KMT2B: variants seen among roughly 807,000 people sequenced by gnomAD.
KMT2B encodes the protein lysine methyltransferase 2B.
In KMT2B, 22 loss-of-function variants were observed where a neutral mutation model predicts 255.3. That is an observed-to-expected ratio of 0.09 (90% CI 0.06 to 0.12). The LOEUF (loss-of-function observed/expected upper bound fraction) is 0.12, where lower values mean the gene tolerates loss of function less well. Among genes scored for constraint, KMT2B ranks in the 10% least tolerant of loss-of-function variants. KMT2B has a pLI of 1.00. For missense variants in KMT2B, 3,149 were observed against 3,737.0 expected, an observed-to-expected ratio of 0.84 and a Z score of 4.10; for synonymous variants, 1,730 against 1,498.1, an observed-to-expected ratio of 1.15 and a Z score of -3.57.
In KMT2B at chr19:35,721,206, C is replaced by CG; in HGVS notation, c.1859_1860insG (p.Pro621SerfsTer55). 2.0e-6 allele frequency: 3 copies of CG among 1,532,338 alleles called. No homozygotes were observed. The highest frequency in any genetic ancestry group is 1.8e-6 in the Non-Finnish European group (2 of 1,138,434). 94.9% of individuals were successfully genotyped at this position (1,532,338 alleles called of 1,614,324 possible). On this transcript the variant is annotated frameshift_variant, in exon 3 of 37. Transcript: ENST00000420124. LOFTEE classifies it high-confidence loss of function. ...ACCTCACTGACCCGGGAGCTGCCCC[C>CG]TCCTCCCCCAGCCCCTCCACCTCCC...
rs1280161497 is a variant in KMT2B at position 35,723,710 on chromosome 19, A to C, written c.3059-22A>C. ...ATGTCCCTGGCTGAGCTCAAATCCT[A>C]CTAAGTCCCCTGTTCCCGCAGGCCG... is the stretch of plus-strand genomic sequence containing the variant. On this transcript the variant is annotated intron_variant, in intron 7 of 36. Coordinates refer to ENST00000420124, the MANE Select transcript of KMT2B (RefSeq NM_014727.3). The surrounding 1 kb of genome is among the most constrained non-coding windows in gnomAD (Gnocchi z 7.5). 2 of 1,516,236 alleles carry C rather than the reference A, an allele frequency of 1.3e-6. No individual in the cohort carries two copies. The highest frequency in any genetic ancestry group is 1.8e-6 in the Non-Finnish European group (2 of 1,132,124). The allele number at this position is 1,516,236 out of a possible 1,614,324, so 93.9% of individuals were successfully genotyped here. A position where few individuals can be genotyped will look rare whatever the true frequency, so the allele number is the denominator to read the frequency against.
chr19:35,730,925 A>G, intron 26 of KMT2B, 58 bp downstream of exon 26: 1 of 1,489,652 alleles, frequency 6.7e-7, no homozygotes. Flanking sequence ...AAACCTACAG[A>G]TCTCTGTTCC....
Position 35,732,295 on chromosome 19 carries a change from C to T in KMT2B, c.5746C>T (p.Pro1916Ser). ...AGCTCCCCCCAGACGTTCCCGTCGT[C>T]CCAGCCCTTTGGCTCCCAGGCCGCC... ...FPAPPRRSRR[P>S]SPLAPRPPPS... The change falls in exon 28 of 37, where the codon CCC becomes TCC. Residue 1916 changes from proline (P) to serine (S), a missense_variant. Coordinates refer to ENST00000420124, the MANE Select transcript of KMT2B (RefSeq NM_014727.3). 6.2e-7 allele frequency: 1 copy of T among 1,611,340 alleles called. No homozygotes were observed. The highest frequency in any genetic ancestry group is 8.5e-7 in the Non-Finnish European group (1 of 1,178,858).
chr19:35,719,413 C>G, intron 1 of KMT2B, 56 bp from the exon 2 acceptor site: 1 of 1,272,128 alleles, frequency 7.9e-7, no homozygotes, highest in Non-Finnish European at 1.1e-6. Flanking sequence ...TCAGATGGAA[C>G]GAGGGCTTTG....
chr19:35,719,436 G>C (rs1282350799), intron 1 of KMT2B, 33 bp from the exon 2 acceptor site: 2 of 1,518,874 alleles, frequency 1.3e-6, no homozygotes, highest in African/African-American at 2.8e-5. Context: ...ACTGACTGCT[G>C]TTTCTCCCCT....
intron 30 of KMT2B, chr19:35,735,369 C>G (rs1969876119): frequency 6.6e-6 from 1 of 152,240 alleles, no homozygotes; most frequent in Non-Finnish European, 1.5e-5. Flanking sequence ...CCTGCTTGAG[C>G]AGCAGCAGCG....
chr19:35,737,777 C>A lies in KMT2B; in HGVS notation c.7658+34C>A. The A allele has an allele frequency of 6.5e-7, 1 of 1,549,672 alleles. No homozygotes were observed. The highest frequency in any genetic ancestry group is 1.2e-5 in the South Asian group (1 of 84,248). On this transcript the variant is annotated intron_variant, in intron 34 of 36. Transcript: ENST00000420124. This position sits in a 1 kb window ranked among gnomAD's most constrained non-coding sequence, Gnocchi z 5.3. ...TGTGAGCTGGGGGGCGGGTGGTGGT[C>A]TGGAAGGGTCTTAGAGAGTGAGCAG...
Position 35,720,873 on chromosome 19 carries a change from A to G in KMT2B, c.1526A>G (p.Asp509Gly). ...PSTATGGPPE[D>G]SPTVAPKSTT... ...ACCGCCACGGGAGGCCCTCCGGAAG[A>G]CAGTCCCACCGTGGCCCCCAAAAGC... is the stretch of plus-strand genomic sequence containing the variant. The change falls in exon 3 of 37, where the codon GAC becomes GGC. Residue 509 changes from aspartate (D) to glycine (G), a missense_variant. This residue lies in a region of KMT2B where 1,188 missense variants were observed against 1,106.4 expected (regional missense o/e 1.07). Coordinates refer to ENST00000420124, the MANE Select transcript of KMT2B (RefSeq NM_014727.3). The G allele has an allele frequency of 1.3e-6, 2 of 1,593,196 alleles. No homozygotes were observed. The highest frequency in any genetic ancestry group is 1.7e-6 in the Non-Finnish European group (2 of 1,170,568).
intron 14 of KMT2B, among the ~76,000 whole-genome samples, chr19:35,726,722 G>A (rs904778841): frequency 5.3e-5 from 8 of 152,172 alleles, no homozygotes; most frequent in African/African-American, 1.7e-4. Context: ...AGTGGCTCAC[G>A]CCTGTAATCC....
At chr19:35,724,813 G>C in intron 9 of KMT2B, 82 bp downstream of exon 9, 4 of 1,311,444 alleles carry the variant, frequency 3.1e-6, no homozygotes, top group Non-Finnish European at 4.3e-6. Flanking sequence ...TGAGTGTCGT[G>C]GTGTGTCCAC....
At position 35,727,745 on chromosome 19, in the gene KMT2B, A is replaced by G. The variant is rs1780812069; in HGVS notation, c.4350A>G (p.Gln1450=). 1 of 1,613,742 alleles carries G rather than the reference A, an allele frequency of 6.2e-7. No individual in the cohort carries two copies. Among genetic ancestry groups the G allele is most frequent in the South Asian group, 1.1e-5 (1 of 91,092 alleles). ...KQLHPGPCGL[Q]AVSQRFEDGH... is the part of the protein sequence containing the mutation. ...TGCACCCAGGACCCTGCGGCCTGCA[A>G]GCTGTGAGTCAGCGCTTCGAGGATG... The change falls in exon 17 of 37, where the codon CAA becomes CAG. Residue 1450 remains glutamine (Q), a synonymous_variant. Transcript: ENST00000420124. The surrounding 1 kb of genome is among the most constrained non-coding windows in gnomAD (Gnocchi z 4.2).
rs200965702 is a variant in KMT2B, at chr19:35,737,305, A to G, written c.7550+42A>G. ...GTGATGCCTGGGTCAGGGCGCCCCT[A>G]TGAGAGCTCTTGAGGGTGGGAGTTA... On this transcript the variant is annotated intron_variant, in intron 33 of 36. Coordinates refer to ENST00000420124, the MANE Select transcript of KMT2B (RefSeq NM_014727.3). This position sits in a 1 kb window ranked among gnomAD's most constrained non-coding sequence, Gnocchi z 5.3. 8 of 1,455,820 alleles carry G rather than the reference A, an allele frequency of 5.5e-6. No homozygotes were observed. The highest frequency in any genetic ancestry group is 4.3e-5 in the African/African-American group (3 of 70,056). 90.2% of individuals were successfully genotyped at this position (1,455,820 alleles called of 1,614,324 possible). A position where few individuals can be genotyped will look rare whatever the true frequency, so the allele number is the denominator to read the frequency against.
intron 8 of KMT2B, 128 bp downstream of exon 8, chr19:35,724,135 G>A: frequency 2.2e-6 from 2 of 907,278 alleles, no homozygotes; most frequent in East Asian, 2.6e-5. Flanking sequence ...GGGCGGAGGA[G>A]GAGACAGTTT....
intron 8 of KMT2B, 114 bp from the exon 9 acceptor site, chr19:35,724,523 T>C (rs1969353762): frequency 1.2e-6 from 1 of 841,710 alleles, no homozygotes; most frequent in Non-Finnish European, 1.9e-6. Context: ...AGAATCGTCC[T>C]GGCGGGTCTT....
Position 35,723,351 on chromosome 19 carries a change from G to A in KMT2B, c.3002+77G>A. On this transcript the variant is annotated intron_variant, in intron 6 of 36. Transcript: ENST00000420124. This position sits in a 1 kb window ranked among gnomAD's most constrained non-coding sequence, Gnocchi z 7.5. ...TCCTACCTCACTCCTCTTCTGCCTGGCCAGAGCAGTGGGGTTGGCATTCTT... is the reference window on the plus strand; with the variant it reads ...TCCTACCTCACTCCTCTTCTGCCTGACCAGAGCAGTGGGGTTGGCATTCTT... 6.4e-7 allele frequency: 1 copy of A among 1,560,018 alleles called. No individual in the cohort carries two copies. Among genetic ancestry groups the A allele is most frequent in the Non-Finnish European group, 8.7e-7 (1 of 1,147,838 alleles).
In KMT2B at chr19:35,738,813, T is replaced by G; in HGVS notation, c.*256T>G. On this transcript the variant is annotated 3_prime_UTR_variant, in exon 37 of 37. Coordinates refer to ENST00000420124, the MANE Select transcript of KMT2B (RefSeq NM_014727.3). The surrounding 1 kb of genome is among the most constrained non-coding windows in gnomAD (Gnocchi z 8.7). ...TCTAAATCCCTTCTTTTCTATGCAC[T>G]TTTTTATTTAAGAGGTGGGGTCCCA... 1 of 526,638 alleles carries G rather than the reference T, an allele frequency of 1.9e-6. No homozygotes were observed. Among genetic ancestry groups the G allele is most frequent in the African/African-American group, 1.9e-5 (1 of 52,498 alleles). The allele number at this position is 526,638 out of a possible 1,614,324, so 32.6% of individuals were successfully genotyped here.
At position 35,727,179 on chromosome 19, in the gene KMT2B, C is replaced by T. The variant is rs904640692; in HGVS notation, c.4027C>T (p.Arg1343Cys). 7.4e-6 allele frequency: 12 copies of T among 1,612,782 alleles called. 1 individual carries two copies. The South Asian group carries it at 8.8e-5, about 12-fold the overall frequency. ...EKGNYCPICT[R>C]CYEDNDYESK... ...AGGAAACTACTGCCCGATCTGTACACGCTGCTATGAAGACAACGACTATGA... is the reference window on the plus strand; with the variant it reads ...AGGAAACTACTGCCCGATCTGTACATGCTGCTATGAAGACAACGACTATGA... Residue 1343 changes from arginine (R) to cysteine (C), a missense_variant, in exon 15 of 37, where the codon CGC (arginine) becomes TGC (cysteine). By Grantham distance (180) the Arg-to-Cys change is radical. Transcript: ENST00000420124. The surrounding 1 kb of genome is among the most constrained non-coding windows in gnomAD (Gnocchi z 4.2).
At chr19:35,726,526 G>A (rs1425813738) in intron 14 of KMT2B, among the ~76,000 whole-genome samples, 173 bp downstream of exon 14, 1 of 152,122 alleles carries the variant, frequency 6.6e-6, no homozygotes, top group Non-Finnish European at 1.5e-5. Flanking sequence ...TGTAAAACAG[G>A]GACACATAGC....
rs904152395 is a variant in KMT2B at position 35,731,584 on chromosome 19, A to G, written c.5438-324A>G. On this transcript the variant is annotated intron_variant, in intron 26 of 36. Coordinates refer to ENST00000420124, the MANE Select transcript of KMT2B (RefSeq NM_014727.3). ...GGCGGGAGCGTCTGATGTGGCTTGGATGCACCAGGCAAGTAAGAAAGTGGT... is the reference window on the plus strand; with the variant it reads ...GGCGGGAGCGTCTGATGTGGCTTGGGTGCACCAGGCAAGTAAGAAAGTGGT... Among the ~76,000 whole-genome samples, 3 of 152,238 alleles carry G rather than the reference A, an allele frequency of 2.0e-5. No homozygotes were observed. The East Asian group carries it at 5.8e-4, about 29-fold the overall frequency.
Sources: gnomAD v4.1 joint callset for allele counts (sites outside exome capture counted in the v4.1 genomes callset) on GRCh38, gnomAD v4.1.1 for gene constraint, gnomAD v4.1.1 regional missense constraint, Gnocchi (gnomAD v3.1) non-coding constraint, MANE v1.5 for transcripts, NCBI Gene and HGNC (gene_info 2026-07-23, HGNC 2026-07-21) for gene names.